Variants in COL24A1 observed in about 807,000 individuals in gnomAD.
COL24A1 encodes the protein collagen type XXIV alpha 1 chain.
A neutral mutation model predicts 253.9 loss-of-function variants in COL24A1; 224 were observed. That is an observed-to-expected ratio of 0.88 (90% CI 0.79 to 0.99). The LOEUF (loss-of-function observed/expected upper bound fraction) is 0.99, where lower values mean the gene tolerates loss of function less well. Ranked by LOEUF, COL24A1 falls within the 50% of genes least tolerant of loss-of-function variation. The pLI is 0.00. For missense variants in COL24A1, 2,131 were observed against 2,068.5 expected, an observed-to-expected ratio of 1.03 and a Z score of -0.59; for synonymous variants, 685 against 673.7, an observed-to-expected ratio of 1.02 and a Z score of -0.26.
intron 55 of COL24A1, among the ~76,000 whole-genome samples, chr1:85,758,353 T>C (rs1313592306): frequency 6.6e-6 from 1 of 152,146 alleles, no homozygotes. Flanking sequence ...TTGGGAATTC[T>C]TTCTCTCACT....
rs573265627 is a variant in COL24A1, at chr1:86,142,484, C to G, written c.121+3635G>C. On this transcript the variant is annotated intron_variant, in intron 2 of 59. Transcript: ENST00000370571. ...CTTGCAGTGAGCCGAGATTGCGCCACTGCACTCCAGCCTGGACGACAGAGT... is the reference window on the plus strand; with the variant it reads ...CTTGCAGTGAGCCGAGATTGCGCCAGTGCACTCCAGCCTGGACGACAGAGT... 2.7e-5 allele frequency among the ~76,000 whole-genome samples: 4 copies of G among 150,062 alleles called. No individual in the cohort carries two copies. The East Asian group carries it at 8.0e-4, about 30-fold the overall frequency.
intron 7 of COL24A1, among the ~76,000 whole-genome samples, chr1:86,070,617 C>A (rs776588406): frequency 6.6e-6 from 1 of 152,038 alleles, no homozygotes; most frequent in East Asian, 1.9e-4. Flanking sequence ...TACTATGGAG[C>A]GGAAATACAT....
intron 37 of COL24A1, among the ~76,000 whole-genome samples, chr1:85,866,021 G>T (rs1186405833): frequency 6.6e-6 from 1 of 152,190 alleles, no homozygotes; most frequent in Non-Finnish European, 1.5e-5. Context: ...CCAGCACTTT[G>T]GGAGGCCAAA....
chr1:86,008,960 C>CACTCCTGAAAAAG (rs1696242482), intron 19 of COL24A1, among the ~76,000 whole-genome samples: 1 of 116,568 alleles, frequency 8.6e-6, no homozygotes, highest in Non-Finnish European at 1.8e-5. Flanking sequence ...GGAATGTTAA[C>CACTCCTGAAAAAG]ACAAAAATAG....
chr1:85,960,955 T>C (rs1366114508), intron 24 of COL24A1: 1 of 202,616 alleles, frequency 4.9e-6, no homozygotes, highest in African/African-American at 2.3e-5. Context: ...AAGGTCAAAT[T>C]AGATTGAAGC....
intron 2 of COL24A1, among the ~76,000 whole-genome samples, chr1:86,126,533 C>T (rs1572012559): frequency 6.6e-6 from 1 of 152,000 alleles, no homozygotes; most frequent in African/African-American, 2.4e-5. Context: ...AGTGCAGCAG[C>T]ATGATTATAG....
chr1:85,781,361 G>A, intron 51 of COL24A1, 88 bp from the exon 52 acceptor site: 1 of 852,200 alleles, frequency 1.2e-6, no homozygotes, highest in Non-Finnish European at 1.8e-6. Context: ...TGGTAAAAGA[G>A]CCATGTCTAC....
intron 11 of COL24A1, among the ~76,000 whole-genome samples, chr1:86,049,124 G>A (rs1452272585): frequency 1.3e-5 from 2 of 152,168 alleles, no homozygotes; most frequent in Non-Finnish European, 2.9e-5. Context: ...TGGCTTAGTT[G>A]TGGAATTATG....
In COL24A1 at chr1:86,156,740, C is replaced by T. The variant is rs1181529912; in HGVS notation, c.-344G>A. The stretch of plus-strand genomic sequence containing the variant: ...GCTGCTAGTGCAGCACTCAAGTTCA[C>T]TTGCGGTTCAAAGGCGACTCTGTGA... On this transcript the variant is annotated 5_prime_UTR_variant, in exon 1 of 60. In the 5' UTR this introduces an upstream ATG that the reference lacks. Transcript: ENST00000370571. 2 of 195,430 alleles carry T rather than the reference C, an allele frequency of 1.0e-5. No homozygotes were observed. The highest frequency in any genetic ancestry group is 2.1e-5 in the Non-Finnish European group (2 of 97,278). The allele number at this position is 195,430 out of a possible 1,614,324, so 12.1% of individuals were successfully genotyped here. A position where few individuals can be genotyped will look rare whatever the true frequency, so the allele number is the denominator to read the frequency against.
intron 20 of COL24A1, among the ~76,000 whole-genome samples, chr1:85,986,003 C>T (rs541400135): frequency 6.6e-6 from 1 of 151,870 alleles, no homozygotes; most frequent in East Asian, 1.9e-4. Flanking sequence ...TCCTGAATAC[C>T]ATACATCCCC....
At chr1:85,905,626 G>A (rs144137061) in intron 28 of COL24A1, among the ~76,000 whole-genome samples, 4 of 152,196 alleles carry the variant, frequency 2.6e-5, no homozygotes, top group Admixed American at 2.6e-4. Flanking sequence ...CATTTCGGGA[G>A]AGAATCAGTA....
chr1:86,057,873 T>C (rs1700775576), intron 10 of COL24A1, 58 bp downstream of exon 10: 1 of 1,452,968 alleles, frequency 6.9e-7, no homozygotes, highest in African/African-American at 1.4e-5. Flanking sequence ...GTGTTTTATA[T>C]ATTTCATTCT....
intron 20 of COL24A1, among the ~76,000 whole-genome samples, chr1:85,986,038 C>T (rs1038559406): frequency 6.6e-6 from 1 of 151,840 alleles, no homozygotes; most frequent in African/African-American, 2.4e-5. Context: ...AATTCCTACT[C>T]ATTCATGTAG....
intron 47 of COL24A1, among the ~76,000 whole-genome samples, chr1:85,791,261 G>A (rs574267193): frequency 2.0e-5 from 3 of 152,216 alleles, no homozygotes; most frequent in Admixed American, 6.5e-5. Context: ...TCAATGCTGA[G>A]TATGGGAAGG....
intron 24 of COL24A1, among the ~76,000 whole-genome samples, chr1:85,913,837 C>T (rs182891152): frequency 4.6e-4 from 70 of 152,300 alleles, no homozygotes; most frequent in African/African-American, 1.6e-3. Context: ...CAAATTCTTC[C>T]GGAATGAAGG....
At chr1:86,072,644 G>C (rs1701953472) in intron 7 of COL24A1, among the ~76,000 whole-genome samples, 1 of 152,190 alleles carries the variant, frequency 6.6e-6, no homozygotes, top group African/African-American at 2.4e-5. Flanking sequence ...CTAAGGGATA[G>C]ACTGCCTCCT....
At chr1:86,034,108 G>A (rs764294753) in intron 12 of COL24A1, among the ~76,000 whole-genome samples, 185 bp from the exon 13 acceptor site, 9 of 151,818 alleles carry the variant, frequency 5.9e-5, no homozygotes, top group African/African-American at 1.2e-4. Context: ...AATAAAAAAC[G>A]AAATACAGTA....
intron 28 of COL24A1, among the ~76,000 whole-genome samples, chr1:85,901,392 C>G (rs1030067149): frequency 6.6e-6 from 1 of 151,968 alleles, no homozygotes; most frequent in South Asian, 2.1e-4. Context: ...ATTAAAAAAA[C>G]AAAAATCAAT....
rs191407677 is a variant in COL24A1 at position 86,087,696 on chromosome 1, T to G, written c.1707+1478A>C. Among the ~76,000 whole-genome samples, 605 of 152,362 alleles carry G rather than the reference T, an allele frequency of 4.0e-3. 1 individual carries two copies. The highest frequency in any genetic ancestry group is 6.2e-3 in the Non-Finnish European group (419 of 68,036). On this transcript the variant is annotated intron_variant, in intron 7 of 59. Coordinates refer to ENST00000370571, the MANE Select transcript of COL24A1 (RefSeq NM_152890.7). ...GAGATCATATCCATATTATGAGGTC[T>G]TCTTTGATGATATATGTCAGTACAA...
Sources: gnomAD v4.1 joint callset for allele counts (sites outside exome capture counted in the v4.1 genomes callset) on GRCh38, gnomAD v4.1.1 for gene constraint, MANE v1.5 for transcripts, NCBI Gene and HGNC (gene_info 2026-07-23, HGNC 2026-07-21) for gene names.